The following PTN variants were observed in gnomAD, a reference collection of about 807,000 sequenced individuals.
PTN encodes pleiotrophin, also known as heparin affin regulatory protein.
Under a neutral mutation model 24.1 loss-of-function variants are expected in PTN, and 18 were observed. That is an observed-to-expected ratio of 0.75 (90% CI 0.52 to 1.11). PTN has a LOEUF of 1.11. Ranked by LOEUF, PTN falls within the 50% of genes least tolerant of loss-of-function variation. The probability of loss-of-function intolerance (pLI) is 0.00; values close to 1 mark genes in which losing one functional copy is unlikely to be tolerated. For missense variants in PTN, 163 were observed against 198.8 expected, an observed-to-expected ratio of 0.82 and a Z score of 1.08; for synonymous variants, 78 against 68.6, an observed-to-expected ratio of 1.14 and a Z score of -0.67.
intron 1 of PTN, among the ~76,000 whole-genome samples, chr7:137,293,696 G>A (rs1006989230): frequency 1.3e-5 from 2 of 152,052 alleles, no homozygotes; most frequent in Admixed American, 1.3e-4. Flanking sequence ...TATACTCCCT[G>A]CCGCCGCACA....
In PTN at chr7:137,227,840, TG is replaced by T; in HGVS notation, c.*179del. On this transcript the variant is annotated 3_prime_UTR_variant, in exon 5 of 5. Coordinates refer to ENST00000348225, the MANE Select transcript of PTN (RefSeq NM_002825.7). ...ACAGTCCTTTATTATAAGCCCCTAC[TG>T]GTACTATAGTATACATTTAAAAAAC... 1 of 495,314 alleles carries T rather than the reference TG, an allele frequency of 2.0e-6. No individual in the cohort carries two copies. The highest frequency in any genetic ancestry group is 3.3e-6 in the Non-Finnish European group (1 of 301,716). The allele number at this position is 495,314 out of a possible 1,614,324, so 30.7% of individuals were successfully genotyped here. A position where few individuals can be genotyped will look rare whatever the true frequency, so the allele number is the denominator to read the frequency against.
intron 1 of PTN, among the ~76,000 whole-genome samples, chr7:137,299,269 TTTG>T (rs1809767899): frequency 1.3e-5 from 2 of 152,102 alleles, no homozygotes; most frequent in African/African-American, 4.8e-5. Flanking sequence ...TTAACTGGAT[TTTG>T]TTGTTGTCAA....
intron 1 of PTN, among the ~76,000 whole-genome samples, chr7:137,294,634 G>A (rs537304423): frequency 6.6e-6 from 1 of 152,160 alleles, no homozygotes; most frequent in East Asian, 1.9e-4. Context: ...CCAGAAAACA[G>A]GCCAAGTTGC....
intron 1 of PTN, among the ~76,000 whole-genome samples, chr7:137,264,517 T>C (rs1185011846): frequency 6.6e-6 from 1 of 152,064 alleles, no homozygotes; most frequent in Admixed American, 6.5e-5. Flanking sequence ...TTTGCAGGGG[T>C]TGGCGAAGCT....
chr7:137,275,658 A>T (rs968150916), intron 1 of PTN, among the ~76,000 whole-genome samples: 9 of 151,912 alleles, frequency 5.9e-5, no homozygotes, highest in Admixed American at 4.6e-4. Context: ...TTAAAAAAAA[A>T]AATTGTATTG....
chr7:137,249,413 T>G (rs1808783089), intron 4 of PTN, among the ~76,000 whole-genome samples: 1 of 152,092 alleles, frequency 6.6e-6, no homozygotes, highest in Non-Finnish European at 1.5e-5. Flanking sequence ...GCATTCACAA[T>G]TTTTAAACTA....
chr7:137,340,782 C>A (rs555206125), intron 1 of PTN, among the ~76,000 whole-genome samples: 1 of 152,318 alleles, frequency 6.6e-6, no homozygotes, highest in South Asian at 2.1e-4. Context: ...CAGCCTCATG[C>A]TCCAGAGAAA....
At chr7:137,290,311 T>C (rs1026082962) in intron 1 of PTN, among the ~76,000 whole-genome samples, 3 of 152,136 alleles carry the variant, frequency 2.0e-5, no homozygotes, top group Non-Finnish European at 4.4e-5. Context: ...CATATTGCAA[T>C]AAAAACAAAT....
chr7:137,301,897 T>C (rs867905497), intron 1 of PTN, among the ~76,000 whole-genome samples: 1 of 151,974 alleles, frequency 6.6e-6, no homozygotes, highest in African/African-American at 2.4e-5. Flanking sequence ...TACTCTTGTG[T>C]GTCAAAAATT....
At chr7:137,276,361 T>C (rs1035291440) in intron 1 of PTN, among the ~76,000 whole-genome samples, 1 of 152,218 alleles carries the variant, frequency 6.6e-6, no homozygotes, top group Non-Finnish European at 1.5e-5. Flanking sequence ...GTGCTGGGAA[T>C]GCAGCATCCT....
chr7:137,312,007 G>T lies in PTN; in HGVS notation c.-2+31432C>A, dbSNP rs1003975019. On this transcript the variant is annotated intron_variant, in intron 1 of 4. Transcript: ENST00000348225. ...ATTAAGCAAAGCCCAACAGAATGAG[G>T]TATGCCCATATATCATCAATGGACC... 1.6e-4 allele frequency among the ~76,000 whole-genome samples: 25 copies of T among 152,092 alleles called. 6 individuals carry two copies. Among genetic ancestry groups the T allele is most frequent in the African/African-American group, 5.8e-4 (24 of 41,384 alleles).
intron 1 of PTN, among the ~76,000 whole-genome samples, chr7:137,303,291 C>T (rs1424665694): frequency 1.3e-5 from 2 of 151,910 alleles, no homozygotes; most frequent in Non-Finnish European, 2.9e-5. Context: ...TTGGAAAGAA[C>T]TCTTCTATGT....
chr7:137,254,829 G>T, intron 2 of PTN, 30 bp downstream of exon 2: 2 of 1,432,810 alleles, frequency 1.4e-6, no homozygotes, highest in South Asian at 2.8e-5. Context: ...AATCAATGAA[G>T]CATCTTGCCT....
intron 1 of PTN, among the ~76,000 whole-genome samples, chr7:137,292,530 C>A (rs1809654843): frequency 6.6e-6 from 1 of 152,150 alleles, no homozygotes; most frequent in Admixed American, 6.5e-5. Flanking sequence ...TCGTCTTCTG[C>A]CATAATTGTG....
intron 1 of PTN, among the ~76,000 whole-genome samples, chr7:137,319,374 CAGAA>C (rs953086511): frequency 6.6e-6 from 1 of 152,158 alleles, no homozygotes; most frequent in Non-Finnish European, 1.5e-5. Context: ...CATTTGTTCT[CAGAA>C]AGCTTAAGTC....
intron 1 of PTN, among the ~76,000 whole-genome samples, chr7:137,328,435 T>C (rs2128882369): frequency 1.3e-5 from 2 of 152,338 alleles, no homozygotes; most frequent in South Asian, 4.1e-4. Flanking sequence ...TGTGTCCCAC[T>C]GTTGGATGTC....
intron 4 of PTN, among the ~76,000 whole-genome samples, chr7:137,228,725 A>T (rs572523772): frequency 1.3e-5 from 2 of 151,862 alleles, no homozygotes; most frequent in Non-Finnish European, 2.9e-5. Context: ...TAGGAAAGTA[A>T]AACATTGAGG....
At chr7:137,340,069 G>C (rs1013709553) in intron 1 of PTN, among the ~76,000 whole-genome samples, 50 of 151,936 alleles carry the variant, frequency 3.3e-4, no homozygotes, top group Admixed American at 1.8e-3. Flanking sequence ...TTTTCTGTTT[G>C]AGATATCACT....
rs1052180272 is a variant in PTN, at chr7:137,330,699, G to A, written c.-2+12740C>T. 4.6e-5 allele frequency among the ~76,000 whole-genome samples: 7 copies of A among 152,294 alleles called. No homozygotes were observed. The East Asian group carries it at 1.2e-3, about 25-fold the overall frequency. On this transcript the variant is annotated intron_variant, in intron 1 of 4. Coordinates refer to ENST00000348225, the MANE Select transcript of PTN (RefSeq NM_002825.7). ...GATTCCTCAGGCCCTGTTTTGGGAA[G>A]GAACTCTTCACTAGAACAGCAGATA...
Sources: allele counts gnomAD v4.1 joint callset (sites outside exome capture counted in the v4.1 genomes callset), GRCh38; gene constraint gnomAD v4.1.1; transcripts MANE v1.5; gene names NCBI Gene and HGNC (gene_info 2026-07-23, HGNC 2026-07-21).